Variants in RAB3IL1 observed in about 807,000 individuals in gnomAD.
RAB3IL1 encodes the protein guanine nucleotide exchange factor for Rab-3A.
Under a neutral mutation model 49.2 loss-of-function variants are expected in RAB3IL1, and 37 were observed. The observed-to-expected ratio is 0.75, with a 90% CI of 0.58 to 0.99. The LOEUF is 0.99. Among genes scored for constraint, RAB3IL1 ranks in the 50% least tolerant of loss-of-function variants. The pLI is 0.00. For synonymous variants in RAB3IL1, 193 were observed against 213.9 expected, an observed-to-expected ratio of 0.90 and a Z score of 0.85; for missense variants, 484 against 513.0, an observed-to-expected ratio of 0.94 and a Z score of 0.55.
the RAB3IL1 span, among the ~76,000 whole-genome samples, chr11:61,945,400 C>T: frequency 2.0e-5 from 3 of 152,192 alleles, no homozygotes; most frequent in South Asian, 2.1e-4. Context: ...ATTCAGTGCT[C>T]GCCGTGGAAG....
At chr11:61,925,114 T>C (rs1399442674), upstream of RAB3IL1, among the ~76,000 whole-genome samples, 2 of 152,176 alleles carry the variant, frequency 1.3e-5, no homozygotes, top group Non-Finnish European at 2.9e-5. Context: ...CAGTCCTTGG[T>C]GGTCCTTCAT....
the RAB3IL1 span, among the ~76,000 whole-genome samples, chr11:61,935,398 TGA>T: frequency 2.8e-5 from 4 of 144,836 alleles, no homozygotes; most frequent in African/African-American, 1.0e-4. Context: ...CCAGCCTGGG[TGA>T]GAGAGCAAGA....
At chr11:61,920,099 A>T (rs1025008798), upstream of RAB3IL1, 3 of 1,337,120 alleles carry the variant, frequency 2.2e-6, no homozygotes, top group Non-Finnish European at 1.9e-6. Context: ...CACAGGCCTG[A>T]TGGGGCGTAG....
the RAB3IL1 span, among the ~76,000 whole-genome samples, chr11:61,928,447 C>G: frequency 6.6e-6 from 1 of 151,918 alleles, no homozygotes; most frequent in Non-Finnish European, 1.5e-5. Flanking sequence ...CTAGGACCCT[C>G]AAAATACACG....
intron 1 of RAB3IL1, among the ~76,000 whole-genome samples, chr11:61,908,614 T>C (rs1939324695): frequency 6.6e-6 from 1 of 152,134 alleles, no homozygotes; most frequent in South Asian, 2.1e-4. Context: ...GTCTAACAGG[T>C]GACTGTAAAT....
chr11:61,902,929 G>A (rs896809682), intron 7 of RAB3IL1, among the ~76,000 whole-genome samples: 1 of 152,020 alleles, frequency 6.6e-6, no homozygotes, highest in Non-Finnish European at 1.5e-5. Context: ...GCTGCCTCCC[G>A]CTTCCCAACA....
the RAB3IL1 span, among the ~76,000 whole-genome samples, chr11:61,942,843 C>T: frequency 1.2e-4 from 18 of 152,260 alleles, no homozygotes; most frequent in African/African-American, 2.4e-4. Context: ...GAAAACCCTA[C>T]GACAGTGGTG....
chr11:61,913,644 C>T (rs1307143171), intron 1 of RAB3IL1, among the ~76,000 whole-genome samples: 1 of 152,168 alleles, frequency 6.6e-6, no homozygotes, highest in East Asian at 1.9e-4. Flanking sequence ...GCACGCAGTA[C>T]ATCCTCAAAT....
At position 61,917,527 on chromosome 11, in the gene RAB3IL1, G is replaced by A. The variant is rs1242546842; in HGVS notation, c.-160C>T. 7 of 1,117,370 alleles carry A rather than the reference G, an allele frequency of 6.3e-6. No homozygotes were observed. Among genetic ancestry groups the A allele is most frequent in the Admixed American group, 5.0e-5 (1 of 19,972 alleles). The allele number at this position is 1,117,370 out of a possible 1,614,324, so 69.2% of individuals were successfully genotyped here. On this transcript the variant is annotated 5_prime_UTR_variant, in exon 1 of 10. Transcript: ENST00000394836. ...GTAGGTCTCAGACGCCTGGGCTCGCGGCCCCCAGCCCAGCCCCGACCCTGC... is the reference window on the plus strand; with the variant it reads ...GTAGGTCTCAGACGCCTGGGCTCGCAGCCCCCAGCCCAGCCCCGACCCTGC...
At chr11:61,902,407 A>G (rs1437484069) in intron 8 of RAB3IL1, 35 bp downstream of exon 8, 1 of 1,555,536 alleles carries the variant, frequency 6.4e-7, no homozygotes, top group East Asian at 2.4e-5. Flanking sequence ...GGTGGCCCCA[A>G]AGGAGTCAAG....
upstream of RAB3IL1, chr11:61,920,045 C>T: frequency 7.9e-7 from 1 of 1,262,946 alleles, no homozygotes; most frequent in Non-Finnish European, 1.0e-6. Flanking sequence ...GCTCACCTGT[C>T]TGTGCCCCAG....
chr11:61,934,446 G>GTGTGTGTGTATATATA, the RAB3IL1 span, among the ~76,000 whole-genome samples: 9 of 24,396 alleles, frequency 3.7e-4, no homozygotes, highest in Non-Finnish European at 9.9e-4. Context: ...GTGTGTGTGT[G>GTGTGTGTGTATATATA]TATGTATATA....
rs987520160 is a variant in RAB3IL1 at position 61,906,079 on chromosome 11, G to A, written c.657+387C>T. On this transcript the variant is annotated intron_variant, in intron 5 of 9. Transcript: ENST00000394836. This position sits in a 1 kb window ranked among gnomAD's most constrained non-coding sequence, Gnocchi z 4.6. ...CTGGGGCTCGAGGCTGTGGCCACAC[G>A]GGGTCCAGGCAGCCTCTCCCCTGAG... 1.3e-5 allele frequency among the ~76,000 whole-genome samples: 2 copies of A among 152,098 alleles called. No individual in the cohort carries two copies. Among genetic ancestry groups the A allele is most frequent in the African/African-American group, 2.4e-5 (1 of 41,424 alleles).
At chr11:61,934,287 G>T in the RAB3IL1 span, among the ~76,000 whole-genome samples, 3 of 146,562 alleles carry the variant, frequency 2.0e-5, no homozygotes, top group Non-Finnish European at 4.5e-5. Context: ...GGAATTACAA[G>T]TATGAGCCAC....
Position 61,917,431 on chromosome 11 carries a change from C to G in RAB3IL1, c.-64G>C. On this transcript the variant is annotated 5_prime_UTR_variant, in exon 1 of 10. Coordinates refer to ENST00000394836, the MANE Select transcript of RAB3IL1 (RefSeq NM_013401.4). ...CCGCCGCGTCCTCCCAGCGCCGCGTCCCCGCCCGCCGCCGACTCCGCCAGG... is the reference window on the plus strand; with the variant it reads ...CCGCCGCGTCCTCCCAGCGCCGCGTGCCCGCCCGCCGCCGACTCCGCCAGG... The G allele has an allele frequency of 7.5e-6, 9 of 1,193,498 alleles. No individual in the cohort carries two copies. The highest frequency in any genetic ancestry group is 9.3e-6 in the Non-Finnish European group (9 of 965,534). 73.9% of individuals were successfully genotyped at this position (1,193,498 alleles called of 1,614,324 possible).
chr11:61,906,649 C>T lies in RAB3IL1; in HGVS notation c.474G>A (p.Lys158=). 1.9e-6 allele frequency: 3 copies of T among 1,611,042 alleles called. No homozygotes were observed. The highest frequency in any genetic ancestry group is 2.5e-6 in the Non-Finnish European group (3 of 1,179,024). Residue 158 remains lysine (K), a synonymous_variant, in exon 5 of 10, where the codon AAG becomes AAA. Coordinates refer to ENST00000394836, the MANE Select transcript of RAB3IL1 (RefSeq NM_013401.4). This position sits in a 1 kb window ranked among gnomAD's most constrained non-coding sequence, Gnocchi z 4.6. ...DMLQAEVTAL[K]TLVITSTPAS... ...CTGGTGTGGACGTGATGACCAGCGT[C>T]TTCAAGGCTGTCACCTCTGCCTGCA...
intron 1 of RAB3IL1, among the ~76,000 whole-genome samples, chr11:61,913,122 T>A (rs1455663469): frequency 6.6e-6 from 1 of 151,550 alleles, no homozygotes; most frequent in Non-Finnish European, 1.5e-5. Context: ...CGCTGTCGAG[T>A]GGCACTGGTT....
rs898749021 is a variant in RAB3IL1, at chr11:61,899,495, T to C, written c.1000-115A>G. On this transcript the variant is annotated intron_variant, in intron 8 of 9. Coordinates refer to ENST00000394836, the MANE Select transcript of RAB3IL1 (RefSeq NM_013401.4). ...AGGTCCCTGCAGAGCCAGGCAGTGCTCCCTGACTCAGCTGGGACTGGGCTT... is the reference window on the plus strand; with the variant it reads ...AGGTCCCTGCAGAGCCAGGCAGTGCCCCCTGACTCAGCTGGGACTGGGCTT... 2.6e-5 allele frequency: 25 copies of C among 946,274 alleles called. 1 individual carries two copies. Among genetic ancestry groups the C allele is most frequent in the Non-Finnish European group, 3.7e-5 (23 of 622,852 alleles). The allele number at this position is 946,274 out of a possible 1,614,324, so 58.6% of individuals were successfully genotyped here.
rs773265624 is a variant in RAB3IL1, at chr11:61,907,654, T to G, written c.271A>C (p.Lys91Gln). 25 of 1,613,916 alleles carry G rather than the reference T, an allele frequency of 1.5e-5. No individual in the cohort carries two copies. The African/African-American group carries it at 3.3e-4, about 22-fold the overall frequency. Residue 91 changes from lysine to glutamine, a missense_variant, in exon 3 of 10, where the codon AAG becomes CAG. Lys to Gln is a moderately conservative substitution (Grantham distance 53). Coordinates refer to ENST00000394836, the MANE Select transcript of RAB3IL1 (RefSeq NM_013401.4). ...EELHRAQKELKLKDEECERLS... is the reference protein window; with the variant it reads ...EELHRAQKELQLKDEECERLS... ...CGCTCACATTCCTCGTCCTTTAGCT[T>G]CAGCTCCTGGAGGAAAAGAGGCAGG...
Sources: gnomAD v4.1 joint callset for allele counts (sites outside exome capture counted in the v4.1 genomes callset) on GRCh38, gnomAD v4.1.1 for gene constraint, Gnocchi (gnomAD v3.1) non-coding constraint, MANE v1.5 for transcripts, NCBI Gene and HGNC (gene_info 2026-07-23, HGNC 2026-07-21) for gene names.